TMTC1: variants seen among roughly 807,000 people sequenced by gnomAD.
The protein encoded by TMTC1 is protein O-mannosyl-transferase TMTC1.
A neutral mutation model predicts 104.8 loss-of-function variants in TMTC1; 73 were observed. The observed-to-expected ratio is 0.70, with a 90% CI of 0.58 to 0.85. The LOEUF (loss-of-function observed/expected upper bound fraction) is 0.85, where lower values mean the gene tolerates loss of function less well. TMTC1 is among the 40% of genes least tolerant of loss of function. The pLI, the probability that TMTC1 is intolerant of heterozygous loss-of-function variation, is 0.00. For synonymous variants in TMTC1, 434 were observed against 428.7 expected (o/e 1.01, Z -0.15); for missense variants, 1,035 against 1,096.1 (o/e 0.94, Z 0.79).
Position 29,645,336 on chromosome 12 carries a change from C to G in TMTC1, c.939-12000G>C, listed in dbSNP as rs547614943. On this transcript the variant is annotated intron_variant, in intron 5 of 17. Coordinates refer to ENST00000539277, the MANE Select transcript of TMTC1 (RefSeq NM_001193451.2). ...TTCAGCACCCAGTGCTACAGGCATT[C>G]CCTTCACTCAGAAACATCCTCCTGA... Among the ~76,000 whole-genome samples the G allele has an allele frequency of 3.7e-4, 57 of 152,292 alleles. 1 individual carries two copies. The highest frequency in any genetic ancestry group is 1.4e-3 in the African/African-American group (57 of 41,576).
intron 6 of TMTC1, among the ~76,000 whole-genome samples, chr12:29,625,626 A>G (rs939717161): frequency 1.3e-5 from 2 of 152,218 alleles, no homozygotes; most frequent in African/African-American, 4.8e-5. Context: ...GTGATTTTGA[A>G]ACAAACTCCC....
At chr12:29,534,898 T>G (rs1944600804) in intron 11 of TMTC1, 1 of 147,732 alleles carries the variant, frequency 6.8e-6, no homozygotes, top group Non-Finnish European at 1.5e-5. Context: ...CATGATGGGC[T>G]GCGGAAGGTT....
chr12:29,763,353 G>A (rs1943394826), intron 2 of TMTC1, among the ~76,000 whole-genome samples: 1 of 152,132 alleles, frequency 6.6e-6, no homozygotes, highest in South Asian at 2.1e-4. Flanking sequence ...GGTATTTGGG[G>A]CAAAAGCCTA....
chr12:29,503,180 G>T lies in TMTC1; in HGVS notation c.*3666C>A, dbSNP rs977563010. On this transcript the variant is annotated 3_prime_UTR_variant, in exon 18 of 18. Coordinates refer to ENST00000539277, the MANE Select transcript of TMTC1 (RefSeq NM_001193451.2). Reference sequence around the variant, plus strand: ...TTCAGAATCTTATGCTAAGGGTTGTGAAGTACTGCAGGAGGTTGGAATTAA... The same window carrying T: ...TTCAGAATCTTATGCTAAGGGTTGTTAAGTACTGCAGGAGGTTGGAATTAA... The T allele has an allele frequency of 6.6e-6, 1 of 152,192 alleles. No individual in the cohort carries two copies. The highest frequency in any genetic ancestry group is 2.4e-5 in the African/African-American group (1 of 41,440). 9.4% of individuals were successfully genotyped at this position (152,192 alleles called of 1,614,324 possible).
intron 5 of TMTC1, among the ~76,000 whole-genome samples, chr12:29,635,524 G>A (rs546869211): frequency 1.3e-5 from 2 of 152,292 alleles, no homozygotes; most frequent in South Asian, 2.1e-4. Context: ...AAATTATCAG[G>A]TGAAAAGCCG....
chr12:29,566,467 G>A (rs1055571756), intron 9 of TMTC1, among the ~76,000 whole-genome samples: 1 of 152,120 alleles, frequency 6.6e-6, no homozygotes, highest in African/African-American at 2.4e-5. Context: ...GGCTCCAGCG[G>A]GGCTGGTCTT....
intron 1 of TMTC1, among the ~76,000 whole-genome samples, chr12:29,781,957 G>T (rs1943844539): frequency 6.6e-6 from 1 of 152,182 alleles, no homozygotes; most frequent in South Asian, 2.1e-4. Context: ...CTTTTTAATT[G>T]AAAAATACTC....
At chr12:29,591,379 C>T (rs748764719) in intron 7 of TMTC1, among the ~76,000 whole-genome samples, 1 of 152,104 alleles carries the variant, frequency 6.6e-6, no homozygotes, top group Non-Finnish European at 1.5e-5. Flanking sequence ...AACCAGAGTC[C>T]GGCTTGCTCT....
intron 5 of TMTC1, among the ~76,000 whole-genome samples, chr12:29,650,069 CTTTTTTTCTTTTCTTTTCTTTTTT>C (rs991563838): frequency 8.6e-5 from 13 of 151,296 alleles, no homozygotes; most frequent in Non-Finnish European, 1.8e-4. Flanking sequence ...TTAACTTTCT[CTTTTTTTCTTTTCTTTTCTTTTTT>C]TTTTTTTCTT....
chr12:29,726,426 T>TTTTTTTTTTTTTTTTTTTTTG (rs1313192978), intron 5 of TMTC1, among the ~76,000 whole-genome samples: 1 of 152,078 alleles, frequency 6.6e-6, no homozygotes, highest in Admixed American at 6.6e-5. Flanking sequence ...CTCCCAATCT[T>TTTTTTTTTTTTTTTTTTTTTG]AATATAACCC....
intron 1 of TMTC1, among the ~76,000 whole-genome samples, chr12:29,782,074 T>C (rs1253376515): frequency 6.6e-6 from 1 of 152,088 alleles, no homozygotes; most frequent in Non-Finnish European, 1.5e-5. Flanking sequence ...ACTGTAATAA[T>C]GAAAAAGCAG....
intron 1 of TMTC1, among the ~76,000 whole-genome samples, chr12:29,769,613 G>A (rs1943550752): frequency 6.6e-6 from 1 of 152,214 alleles, no homozygotes; most frequent in Admixed American, 6.5e-5. Context: ...CAGGTCCTTG[G>A]AGAACTTGGA....
intron 5 of TMTC1, among the ~76,000 whole-genome samples, chr12:29,695,829 A>AT (rs71045829): frequency 2.1e-4 from 29 of 136,978 alleles, no homozygotes; most frequent in South Asian, 7.1e-4. Flanking sequence ...ATATATATAT[A>AT]ACCTGTCTTC....
intron 6 of TMTC1, among the ~76,000 whole-genome samples, chr12:29,605,562 CAAAAAGGGTAAAA>C (rs1205795095): frequency 2.6e-5 from 2 of 75,862 alleles, no homozygotes; most frequent in Non-Finnish European, 5.2e-5. Context: ...CAAAACTGAC[CAAAAAGGGTAAAA>C]AAAAAAAAAA....
At chr12:29,582,101 T>A (rs927766157) in intron 8 of TMTC1, among the ~76,000 whole-genome samples, 2 of 152,192 alleles carry the variant, frequency 1.3e-5, no homozygotes, top group Non-Finnish European at 2.9e-5. Flanking sequence ...ATAAATAAAG[T>A]AATAGGACAT....
intron 1 of TMTC1, among the ~76,000 whole-genome samples, chr12:29,768,413 C>T (rs1000020101): frequency 1.3e-5 from 2 of 152,178 alleles, no homozygotes; most frequent in Non-Finnish European, 2.9e-5. Context: ...ATTTTCACTG[C>T]TGGCTCTTCC....
At chr12:29,574,458 C>T (rs1028028869) in intron 8 of TMTC1, among the ~76,000 whole-genome samples, 1 of 152,162 alleles carries the variant, frequency 6.6e-6, no homozygotes, top group African/African-American at 2.4e-5. Flanking sequence ...GGTCACTGTA[C>T]TGGTCATCTC....
At chr12:29,715,759 G>A (rs1300706451) in intron 5 of TMTC1, among the ~76,000 whole-genome samples, 3 of 152,134 alleles carry the variant, frequency 2.0e-5, no homozygotes, top group Non-Finnish European at 2.9e-5. Context: ...CGTGGTGGAA[G>A]ACACCTCTTC....
chr12:29,666,569 C>T lies in TMTC1; in HGVS notation c.939-33233G>A, dbSNP rs74078909. ...TTTTTCTGTGTTTTCCTTACCCTCT[C>T]GTGGTAGATCAGGGTACAAAATAAA... is the stretch of plus-strand genomic sequence containing the variant. On this transcript the variant is annotated intron_variant, in intron 5 of 17. Coordinates refer to ENST00000539277, the MANE Select transcript of TMTC1 (RefSeq NM_001193451.2). 6.7e-3 allele frequency among the ~76,000 whole-genome samples: 1,026 copies of T among 152,110 alleles called. 17 individuals carry two copies. The highest frequency in any genetic ancestry group is 0.024 in the African/African-American group (979 of 41,476).
Sources: allele counts gnomAD v4.1 joint callset (sites outside exome capture counted in the v4.1 genomes callset), GRCh38; gene constraint gnomAD v4.1.1; transcripts MANE v1.5; gene names NCBI Gene and HGNC (gene_info 2026-07-23, HGNC 2026-07-21).